Variants in PPARG observed in about 807,000 individuals in gnomAD.
PPARG encodes peroxisome proliferator-activated receptor gamma.
In PPARG, 17 loss-of-function variants were observed where a neutral mutation model predicts 39.2. That is an observed-to-expected ratio of 0.43 (90% confidence interval 0.30 to 0.65). The LOEUF (loss-of-function observed/expected upper bound fraction) is 0.65. Ranked by LOEUF, PPARG falls within the 30% of genes least tolerant of loss-of-function variation. The pLI, the probability that PPARG is intolerant of heterozygous loss-of-function variation, is 0.13. For missense variants in PPARG, 406 were observed against 585.9 expected, an observed-to-expected ratio of 0.69 and a Z score of 3.17; for synonymous variants, 223 against 215.7, an observed-to-expected ratio of 1.03 and a Z score of -0.30.
intron 7 of PPARG, among the ~76,000 whole-genome samples, chr3:12,418,020 A>G (rs1031159474): frequency 2.0e-5 from 3 of 146,542 alleles, no homozygotes; most frequent in Admixed American, 7.0e-5. Context: ...AGCTATGATC[A>G]TGCTACTTCA....
At chr3:12,337,406 T>C (rs2048044257) in intron 2 of PPARG, among the ~76,000 whole-genome samples, 1 of 152,168 alleles carries the variant, frequency 6.6e-6, no homozygotes, top group Non-Finnish European at 1.5e-5. Flanking sequence ...CAGGTGGGTG[T>C]GTGGGCAGAG....
At chr3:12,298,188 A>G (rs1380370656) in intron 1 of PPARG, among the ~76,000 whole-genome samples, 5 of 145,172 alleles carry the variant, frequency 3.4e-5, no homozygotes, top group African/African-American at 1.0e-4. Context: ...AGTCCCAGCT[A>G]CTTGGGAGGC....
chr3:12,356,774 AT>A (rs561633349), intron 2 of PPARG, among the ~76,000 whole-genome samples: 393 of 152,216 alleles, frequency 2.6e-3, no homozygotes, highest in African/African-American at 8.7e-3. Flanking sequence ...TTCTCACCAC[AT>A]TCCAGGCATT....
At chr3:12,361,232 C>G (rs1212383843) in intron 2 of PPARG, among the ~76,000 whole-genome samples, 2 of 152,174 alleles carry the variant, frequency 1.3e-5, no homozygotes, top group African/African-American at 4.8e-5. Context: ...AAGTCTTTCA[C>G]CCATTTTTAT....
intron 1 of PPARG, among the ~76,000 whole-genome samples, chr3:12,305,186 CCT>C (rs1308839653): frequency 1.3e-5 from 2 of 152,112 alleles, no homozygotes; most frequent in Non-Finnish European, 2.9e-5. Flanking sequence ...TGCTTCCTTT[CCT>C]CTCTTTCCCA....
chr3:12,414,269 C>T (rs973961362), intron 6 of PPARG, among the ~76,000 whole-genome samples: 1 of 152,088 alleles, frequency 6.6e-6, no homozygotes, highest in African/African-American at 2.4e-5. Flanking sequence ...CCTGCATGTG[C>T]AGTTGGTCTT....
At chr3:12,397,385 TTA>T in intron 5 of PPARG, among the ~76,000 whole-genome samples, 1 of 71,332 alleles carries the variant, frequency 1.4e-5, no homozygotes, top group African/African-American at 5.7e-5. Flanking sequence ...CTTTTTATTA[TTA>T]TTATTATTAT....
At chr3:12,423,553 C>G (rs375355084) in intron 7 of PPARG, among the ~76,000 whole-genome samples, 20 of 152,380 alleles carry the variant, frequency 1.3e-4, no homozygotes, top group Admixed American at 4.6e-4. Flanking sequence ...GGAGGAAACT[C>G]CGGCTTATGG....
chr3:12,298,298 C>CAAAAA (rs58459399), intron 1 of PPARG, among the ~76,000 whole-genome samples: 277 of 41,356 alleles, frequency 6.7e-3, no homozygotes, highest in African/African-American at 7.7e-3. Flanking sequence ...GACTCTGTCT[C>CAAAAA]AAAAAAAAAA....
At chr3:12,365,403 T>C (rs1262152839) in intron 2 of PPARG, among the ~76,000 whole-genome samples, 1 of 152,172 alleles carries the variant, frequency 6.6e-6, no homozygotes. Context: ...AGATAATCAG[T>C]TATTTCATGG....
intron 4 of PPARG, among the ~76,000 whole-genome samples, chr3:12,390,795 A>C (rs545087616): frequency 3.3e-5 from 5 of 151,938 alleles, no homozygotes; most frequent in Non-Finnish European, 5.9e-5. Context: ...CTACAGGCGC[A>C]TGCCACCACA....
chr3:12,347,202 C>T (rs556619560), intron 2 of PPARG, among the ~76,000 whole-genome samples: 1 of 151,510 alleles, frequency 6.6e-6, no homozygotes, highest in African/African-American at 2.4e-5. Flanking sequence ...AAAAAAGACA[C>T]AGCTGAGTGT....
At chr3:12,416,617 A>T in intron 6 of PPARG, 87 bp from the exon 7 acceptor site, 1 of 1,295,972 alleles carries the variant, frequency 7.7e-7, no homozygotes, top group Non-Finnish European at 1.1e-6. Context: ...AAGCAAGTTT[A>T]CATAAACAGT....
At chr3:12,347,147 A>G (rs908231269) in intron 2 of PPARG, among the ~76,000 whole-genome samples, 2 of 151,422 alleles carry the variant, frequency 1.3e-5, no homozygotes, top group African/African-American at 4.9e-5. Context: ...AGATTGTGCC[A>G]CTGCACTCCA....
intron 2 of PPARG, among the ~76,000 whole-genome samples, chr3:12,318,104 G>T (rs1209598592): frequency 6.6e-6 from 1 of 152,122 alleles, no homozygotes; most frequent in East Asian, 1.9e-4. Flanking sequence ...CACCGGAGTA[G>T]CTGGGACTAC....
chr3:12,352,013 T>C (rs2048504052), intron 2 of PPARG, among the ~76,000 whole-genome samples: 1 of 152,188 alleles, frequency 6.6e-6, no homozygotes, highest in Admixed American at 6.5e-5. Flanking sequence ...CTTTTTAGAC[T>C]TGAAGGGTCA....
intron 2 of PPARG, among the ~76,000 whole-genome samples, chr3:12,314,753 G>A (rs923656345): frequency 3.9e-5 from 6 of 152,110 alleles, no homozygotes; most frequent in African/African-American, 1.4e-4. Context: ...GACGTTAGTA[G>A]GAAAACTGGT....
At chr3:12,384,634 TCAG>T (rs1363928289) in intron 4 of PPARG, among the ~76,000 whole-genome samples, 1 of 152,158 alleles carries the variant, frequency 6.6e-6, no homozygotes, top group Non-Finnish European at 1.5e-5. Context: ...CAAGTATACA[TCAG>T]CAGTTCCCAA....
intron 1 of PPARG, among the ~76,000 whole-genome samples, chr3:12,305,001 T>A (rs2047022165): frequency 6.6e-6 from 1 of 152,140 alleles, no homozygotes; most frequent in Admixed American, 6.5e-5. Flanking sequence ...GAGCCTTTCT[T>A]GTCTTCTATC....
Sources: gnomAD v4.1 joint callset for allele counts (sites outside exome capture counted in the v4.1 genomes callset) on GRCh38, gnomAD v4.1.1 for gene constraint, MANE v1.5 for transcripts, NCBI Gene and HGNC (gene_info 2026-07-23, HGNC 2026-07-21) for gene names.